The following DCDC2C variants were observed in gnomAD, a reference collection of about 807,000 sequenced individuals.
The protein encoded by DCDC2C is doublecortin domain-containing protein 2C.
Under a neutral mutation model 45.0 loss-of-function variants are expected in DCDC2C, and 44 were observed. The ratio of observed to expected loss-of-function variants is 0.98; its 90% CI spans 0.77 to 1.26. The LOEUF (loss-of-function observed/expected upper bound fraction) is 1.26, where lower values mean the gene tolerates loss of function less well. Ranked by LOEUF, DCDC2C falls within the 50% of genes most tolerant of loss-of-function variation. The pLI, the probability that DCDC2C is intolerant of heterozygous loss-of-function variation, is 0.00. For missense variants in DCDC2C, 447 were observed against 468.9 expected (o/e 0.95, Z 0.43); for synonymous variants, 187 against 178.8 (o/e 1.05, Z -0.37).
At chr2:3,845,914 T>C (rs62107648) in intron 10 of DCDC2C, among the ~76,000 whole-genome samples, 12,241 of 152,242 alleles carry the variant, frequency 0.08, 612 homozygotes, top group Admixed American at 0.14. Context: ...AGTTGTCTTC[T>C]GTAAAATGAG....
At chr2:3,820,304 A>G (rs1337033580) in intron 10 of DCDC2C, among the ~76,000 whole-genome samples, 1 of 152,206 alleles carries the variant, frequency 6.6e-6, no homozygotes, top group Non-Finnish European at 1.5e-5. Flanking sequence ...GTTTTAGGTC[A>G]GGCAAGAGTT....
intron 10 of DCDC2C, among the ~76,000 whole-genome samples, chr2:3,841,344 G>A (rs1341562341): frequency 6.6e-6 from 1 of 151,390 alleles, no homozygotes; most frequent in Non-Finnish European, 1.5e-5. Flanking sequence ...GGTGAACGCA[G>A]AAGTTTTTGA....
In DCDC2C at chr2:3,703,979, C is replaced by T. The variant is rs944388330; in HGVS notation, c.228C>T (p.Asp76=). 1.2e-5 allele frequency: 15 copies of T among 1,301,790 alleles called. No individual in the cohort carries two copies. Among genetic ancestry groups the T allele is most frequent in the African/African-American group, 1.5e-5 (1 of 64,728 alleles). The allele number at this position is 1,301,790 out of a possible 1,614,324, so 80.6% of individuals were successfully genotyped here. ...GTGGGCACCGGGTGCTGGGGCTGGA[C>T]GCGCTGCAGGCGGGCGGCAAGTACG... is the stretch of plus-strand genomic sequence containing the variant. ...PTRGHRVLGL[D]ALQAGGKYVA... The change falls in exon 1 of 11, where the codon GAC becomes GAT. Residue 76 remains aspartate, a synonymous_variant. Transcript: ENST00000399143. The surrounding 1 kb of genome is among the most constrained non-coding windows in gnomAD (Gnocchi z 4.4).
At chr2:3,712,118 C>A (rs1307669714) in intron 2 of DCDC2C, among the ~76,000 whole-genome samples, 1 of 152,152 alleles carries the variant, frequency 6.6e-6, no homozygotes, top group African/African-American at 2.4e-5. Context: ...GGAACCACCA[C>A]CAAGAGCTTT....
intron 3 of DCDC2C, among the ~76,000 whole-genome samples, chr2:3,740,185 A>G (rs1393060220): frequency 1.3e-5 from 2 of 152,218 alleles, no homozygotes; most frequent in Non-Finnish European, 2.9e-5. Flanking sequence ...CAGCTGTATA[A>G]TTTATGGTGT....
intron 6 of DCDC2C, among the ~76,000 whole-genome samples, chr2:3,763,504 G>A (rs552640950): frequency 2.4e-4 from 36 of 152,308 alleles, no homozygotes; most frequent in East Asian, 1.7e-3. Context: ...CCAGGCTTTC[G>A]TATCCTTGTT....
chr2:3,738,622 G>A (rs542664134), intron 3 of DCDC2C, among the ~76,000 whole-genome samples: 1 of 144,640 alleles, frequency 6.9e-6, no homozygotes, highest in Admixed American at 7.0e-5. Flanking sequence ...GAGGGAGCCA[G>A]CGTTGCAGTT....
chr2:3,807,618 G>A (rs1052726325), intron 10 of DCDC2C, among the ~76,000 whole-genome samples: 1 of 151,606 alleles, frequency 6.6e-6, no homozygotes, highest in Non-Finnish European at 1.5e-5. Flanking sequence ...CATCCTTCTC[G>A]GTGTCCAGTT....
intron 10 of DCDC2C, among the ~76,000 whole-genome samples, chr2:3,842,588 G>A (rs977557152): frequency 6.8e-6 from 1 of 147,594 alleles, no homozygotes; most frequent in African/African-American, 2.5e-5. Context: ...TACAGACAAG[G>A]TTCAGCTTTT....
At chr2:3,746,953 C>A (rs1295731827) in intron 4 of DCDC2C, among the ~76,000 whole-genome samples, 1 of 152,038 alleles carries the variant, frequency 6.6e-6, no homozygotes, top group East Asian at 1.9e-4. Flanking sequence ...AATGGCCTGG[C>A]CCTGGGAGCG....
chr2:3,776,456 T>C (rs73910367), intron 8 of DCDC2C, among the ~76,000 whole-genome samples: 18,961 of 152,192 alleles, frequency 0.12, 1,335 homozygotes, highest in East Asian at 0.28. Context: ...CCAGTTCTCG[T>C]CACACGGGAC....
chr2:3,842,820 A>G (rs1295143575), intron 10 of DCDC2C, among the ~76,000 whole-genome samples: 2 of 152,022 alleles, frequency 1.3e-5, no homozygotes, highest in African/African-American at 2.4e-5. Flanking sequence ...CTGAGTTTGC[A>G]ACAGGAGGAG....
chr2:3,822,013 C>G (rs1457833298), intron 10 of DCDC2C, among the ~76,000 whole-genome samples: 1 of 152,226 alleles, frequency 6.6e-6, no homozygotes, highest in East Asian at 1.9e-4. Flanking sequence ...CCCTAGTCTA[C>G]TAATCGACCT....
chr2:3,798,018 G>A (rs1435275477), intron 10 of DCDC2C, among the ~76,000 whole-genome samples: 2 of 151,908 alleles, frequency 1.3e-5, no homozygotes, highest in East Asian at 1.9e-4. Context: ...TCTCTTTGTA[G>A]GTCACTCAGG....
chr2:3,719,436 C>T (rs1213936412), intron 2 of DCDC2C, among the ~76,000 whole-genome samples: 1 of 152,224 alleles, frequency 6.6e-6, no homozygotes, highest in African/African-American at 2.4e-5. Flanking sequence ...AAGCCTCTGG[C>T]TGTCCACATT....
At position 3,739,912 on chromosome 2, in the gene DCDC2C, G is replaced by T. The variant is rs563543227; in HGVS notation, c.417-2008G>T. Among the ~76,000 whole-genome samples, 3 of 152,312 alleles carry T rather than the reference G, an allele frequency of 2.0e-5. No individual in the cohort carries two copies. In the South Asian group the frequency reaches 6.2e-4, roughly 32 times the overall value. On this transcript the variant is annotated intron_variant, in intron 3 of 10. Coordinates refer to ENST00000399143, the MANE Select transcript of DCDC2C (RefSeq NM_001287444.2). ...ACATTTACCCCTAGATACTGCCATG[G>T]GGTCGGAGCCCCACAGCCTGCCCGT...
intron 10 of DCDC2C, among the ~76,000 whole-genome samples, chr2:3,791,154 C>A (rs141415440): frequency 1.3e-5 from 2 of 152,100 alleles, no homozygotes; most frequent in Non-Finnish European, 2.9e-5. Flanking sequence ...AAGCTTGTAT[C>A]CCTCTATACA....
chr2:3,787,211 A>G (rs1195265307), intron 10 of DCDC2C, among the ~76,000 whole-genome samples: 1 of 152,230 alleles, frequency 6.6e-6, no homozygotes, highest in African/African-American at 2.4e-5. Flanking sequence ...CTTGTTTGGC[A>G]CACAGGTTAC....
chr2:3,760,715 A>C (rs1367303923), intron 6 of DCDC2C, among the ~76,000 whole-genome samples: 1 of 152,118 alleles, frequency 6.6e-6, no homozygotes, highest in Non-Finnish European at 1.5e-5. Flanking sequence ...CGTTAGAACA[A>C]ATACCTAATG....
Sources: gnomAD v4.1 joint callset for allele counts (sites outside exome capture counted in the v4.1 genomes callset) on GRCh38, gnomAD v4.1.1 for gene constraint, Gnocchi (gnomAD v3.1) non-coding constraint, MANE v1.5 for transcripts, NCBI Gene and HGNC (gene_info 2026-07-23, HGNC 2026-07-21) for gene names.